DAAM1: variants seen among roughly 807,000 people sequenced by gnomAD.
The protein encoded by DAAM1 is dishevelled associated activator of morphogenesis 1, also known as disheveled-associated activator of morphogenesis 1.
In DAAM1, 52 loss-of-function variants were observed where a neutral mutation model predicts 130.0. That is an observed-to-expected ratio of 0.40 (90% CI 0.32 to 0.50). DAAM1 has a LOEUF of 0.50. Ranked by LOEUF, DAAM1 falls within the 20% of genes least tolerant of loss-of-function variation. The pLI, the probability that DAAM1 is intolerant of heterozygous loss-of-function variation, is 0.61. For missense variants in DAAM1, 1,134 were observed against 1,303.8 expected (o/e 0.87, Z 2.01); for synonymous variants, 452 against 444.5 (o/e 1.02, Z -0.21).
intron 16 of DAAM1, among the ~76,000 whole-genome samples, 200 bp downstream of exon 16, chr14:59,340,380 A>G (rs1885798619): frequency 6.6e-6 from 1 of 152,188 alleles, no homozygotes; most frequent in Non-Finnish European, 1.5e-5. Flanking sequence ...TTCTTTCTCA[A>G]AGTTTAATTT....
chr14:59,334,509 A>G (rs770852665), intron 15 of DAAM1, among the ~76,000 whole-genome samples: 6 of 152,172 alleles, frequency 3.9e-5, no homozygotes, highest in Non-Finnish European at 7.4e-5. Flanking sequence ...GTTTGGCTAG[A>G]TACAATTCTC....
At position 59,360,834 on chromosome 14, in the gene DAAM1, T is replaced by G. The variant is rs1886677799; in HGVS notation, c.2666T>G (p.Leu889Trp). ...MTELDKEIST[L>W]RSGLKAVETE... Reference sequence around the variant, plus strand: ...GAGCTGGACAAAGAAATAAGTACCTTGAGAAGTGGCTTGAAAGCAGTAGAG... The same window carrying G: ...GAGCTGGACAAAGAAATAAGTACCTGGAGAAGTGGCTTGAAAGCAGTAGAG... Residue 889 changes from leucine (L) to tryptophan (W), a missense_variant, in exon 22 of 25, where the codon TTG becomes TGG. Around this residue, in one of 3 missense-constraint regions of DAAM1, gnomAD observed 644 missense variants for 695.9 expected, o/e 0.93. Coordinates refer to ENST00000360909, the MANE Select transcript of DAAM1 (RefSeq NM_001270520.2). 6.2e-7 allele frequency: 1 copy of G among 1,613,884 alleles called. No individual in the cohort carries two copies. Among genetic ancestry groups the G allele is most frequent in the Admixed American group, 1.7e-5 (1 of 59,994 alleles).
chr14:59,240,416 A>C (rs956257917), intron 1 of DAAM1, among the ~76,000 whole-genome samples: 1 of 152,156 alleles, frequency 6.6e-6, no homozygotes. Context: ...GGGTTCTTCA[A>C]ATCTTTATGG....
rs775920635 is a variant in DAAM1 at position 59,355,315 on chromosome 14, C to G, written c.2507C>G (p.Thr836Arg). Residue 836 changes from threonine (T) to arginine (R), a missense_variant, in exon 20 of 25, where the codon ACA (threonine) becomes AGA (arginine). Around this residue, in one of 3 missense-constraint regions of DAAM1, gnomAD observed 644 missense variants for 695.9 expected, o/e 0.93. Coordinates refer to ENST00000360909, the MANE Select transcript of DAAM1 (RefSeq NM_001270520.2). ...TCTAGCCTAAACAAAATTGCTGACA[C>G]AAAATCCAGCATCGACAAGTAAGTA... ...KISSLNKIAD[T>R]KSSIDKNITL... 3.7e-6 allele frequency: 6 copies of G among 1,613,922 alleles called. No individual in the cohort carries two copies. Among genetic ancestry groups the G allele is most frequent in the Non-Finnish European group, 5.1e-6 (6 of 1,179,992 alleles).
chr14:59,337,003 C>T (rs1356408680), intron 15 of DAAM1, among the ~76,000 whole-genome samples: 2 of 152,164 alleles, frequency 1.3e-5, no homozygotes, highest in African/African-American at 4.8e-5. Flanking sequence ...CCACAGGCCT[C>T]TACACTAGAG....
At position 59,326,646 on chromosome 14, in the gene DAAM1, A is replaced by T; in HGVS notation, c.1311A>T (p.Arg437=). ...LENFNIKNVV[R]MLVNENEVKQ... is the part of the protein sequence containing the mutation. ...ACTTTAATATTAAGAATGTCGTACG[A>T]ATGTAAGTCTCTTCTTATTCTGCTG... Residue 437 remains arginine (R), a splice_region_variant and synonymous_variant, in exon 11 of 25, where the codon CGA becomes CGT. Transcript: ENST00000360909. 1 of 1,611,374 alleles carries T rather than the reference A, an allele frequency of 6.2e-7. No individual in the cohort carries two copies. The highest frequency in any genetic ancestry group is 8.5e-7 in the Non-Finnish European group (1 of 1,179,246).
At chr14:59,331,719 A>C (rs1885448893) in intron 14 of DAAM1, 94 bp from the exon 15 acceptor site, 1 of 1,507,274 alleles carries the variant, frequency 6.6e-7, no homozygotes, top group African/African-American at 1.4e-5. Flanking sequence ...TGGTAGACTG[A>C]AAAATTTGGG....
intron 17 of DAAM1, among the ~76,000 whole-genome samples, chr14:59,348,907 G>T (rs1165768809): frequency 1.3e-5 from 2 of 152,186 alleles, no homozygotes; most frequent in Admixed American, 1.3e-4. Flanking sequence ...ATTTGCCATG[G>T]AGAAACTCTT....
chr14:59,323,906 C>T (rs61984494), intron 6 of DAAM1, among the ~76,000 whole-genome samples: 9,559 of 151,896 alleles, frequency 0.063, 398 homozygotes, highest in Non-Finnish European at 0.094. Context: ...ATGGTGGGCG[C>T]CTGTAGTCCC....
chr14:59,320,702 T>G (rs1040411552), intron 5 of DAAM1, 118 bp downstream of exon 5: 1 of 635,600 alleles, frequency 1.6e-6, no homozygotes, highest in Non-Finnish European at 2.5e-6. Context: ...CATAACATAC[T>G]TTAATCATTA....
chr14:59,310,388 C>T (rs919907208), intron 3 of DAAM1, among the ~76,000 whole-genome samples: 5 of 152,136 alleles, frequency 3.3e-5, no homozygotes, highest in Admixed American at 3.3e-4. Context: ...CCACCTCAGT[C>T]TCCCAAAGTG....
chr14:59,315,488 A>G (rs991523286), intron 4 of DAAM1, 137 bp downstream of exon 4: 45 of 796,392 alleles, frequency 5.7e-5, no homozygotes, highest in Non-Finnish European at 7.4e-5. Flanking sequence ...TAAACATTCA[A>G]TGCTGGGGAA....
In DAAM1 at chr14:59,326,171, G is replaced by A. The variant is rs369981469; in HGVS notation, c.1174+94G>A. The stretch of plus-strand genomic sequence containing the variant: ...CTGCACAGTGCTGATTACATTGGGT[G>A]CACACCAGGGATTCCAAGCCTTGGT... On this transcript the variant is annotated intron_variant, in intron 10 of 24. Transcript: ENST00000360909. The A allele has an allele frequency of 2.6e-4, 307 of 1,164,954 alleles. 2 individuals are homozygous for A. The African/African-American group carries it at 4.2e-3, about 16-fold the overall frequency. The allele number at this position is 1,164,954 out of a possible 1,614,324, so 72.2% of individuals were successfully genotyped here.
chr14:59,294,063 A>G (rs1883855233), intron 3 of DAAM1, among the ~76,000 whole-genome samples: 1 of 152,224 alleles, frequency 6.6e-6, no homozygotes, highest in African/African-American at 2.4e-5. Flanking sequence ...CCGTCTTTCA[A>G]GATTAGAATA....
Position 59,322,888 on chromosome 14 carries a change from A to G in DAAM1, c.441-4A>G, listed in dbSNP as rs754756459. Reference sequence around the variant, plus strand: ...TAAGCATGGTGCATTTCTCTTCATGACAGGTTTGTAACCAGATTCATCGAC... The same window carrying G: ...TAAGCATGGTGCATTTCTCTTCATGGCAGGTTTGTAACCAGATTCATCGAC... On this transcript the variant is annotated splice_polypyrimidine_tract_variant and splice_region_variant and intron_variant, in intron 5 of 24. Transcript: ENST00000360909. 6.2e-7 allele frequency: 1 copy of G among 1,602,366 alleles called. No individual in the cohort carries two copies.
At chr14:59,207,880 C>G (rs1022422336) in intron 1 of DAAM1, among the ~76,000 whole-genome samples, 1 of 152,154 alleles carries the variant, frequency 6.6e-6, no homozygotes, top group African/African-American at 2.4e-5. Context: ...AGTCCCTTCT[C>G]TGAGAAATTT....
At chr14:59,236,804 ATAAAT>A (rs1465375818) in intron 1 of DAAM1, among the ~76,000 whole-genome samples, 2 of 152,178 alleles carry the variant, frequency 1.3e-5, no homozygotes, top group African/African-American at 2.4e-5. Flanking sequence ...TGTTTGTAGA[ATAAAT>A]TAATTAATTT....
At chr14:59,335,042 CTAT>C (rs1440077619) in intron 15 of DAAM1, among the ~76,000 whole-genome samples, 1 of 152,160 alleles carries the variant, frequency 6.6e-6, no homozygotes, top group African/African-American at 2.4e-5. Flanking sequence ...ACCCCCAACT[CTAT>C]GAGTAGATAT....
At chr14:59,225,687 A>T (rs1174642444) in intron 1 of DAAM1, among the ~76,000 whole-genome samples, 1 of 144,460 alleles carries the variant, frequency 6.9e-6, no homozygotes, top group African/African-American at 2.5e-5. Context: ...GCGGACAGAG[A>T]TCTTGATTTG....
Sources: allele counts gnomAD v4.1 joint callset (sites outside exome capture counted in the v4.1 genomes callset), GRCh38; gene constraint gnomAD v4.1.1; regional missense constraint gnomAD v4.1.1; transcripts MANE v1.5; gene names NCBI Gene and HGNC (gene_info 2026-07-23, HGNC 2026-07-21).